The following CHCHD6 variants were observed in gnomAD, a reference collection of about 807,000 sequenced individuals.
The protein encoded by CHCHD6 is MICOS complex subunit MIC25.
In CHCHD6, 28 loss-of-function variants were observed where a neutral mutation model predicts 32.3. The observed-to-expected ratio is 0.87, with a 90% CI of 0.64 to 1.19. The LOEUF is 1.19. CHCHD6 is among the 50% of genes most tolerant of loss of function. The probability of loss-of-function intolerance (pLI) is 0.00; values close to 1 mark genes in which losing one functional copy is unlikely to be tolerated. For synonymous variants in CHCHD6, 122 were observed against 117.5 expected, an observed-to-expected ratio of 1.04 and a Z score of -0.25; for missense variants, 333 against 307.0, an observed-to-expected ratio of 1.08 and a Z score of -0.63.
chr3:126,866,296 A>G (rs986449609), intron 5 of CHCHD6, among the ~76,000 whole-genome samples: 1 of 152,216 alleles, frequency 6.6e-6, no homozygotes, highest in Non-Finnish European at 1.5e-5. Flanking sequence ...GTAGTCAAGC[A>G]CTTCACCTGC....
intron 5 of CHCHD6, among the ~76,000 whole-genome samples, chr3:126,897,399 A>T (rs953121466): frequency 1.3e-5 from 2 of 152,242 alleles, no homozygotes; most frequent in African/African-American, 4.8e-5. Flanking sequence ...TGCTGGAGTC[A>T]GGGTGTTACT....
intron 5 of CHCHD6, among the ~76,000 whole-genome samples, chr3:126,913,624 GC>G (rs1392075322): frequency 2.0e-5 from 3 of 152,168 alleles, no homozygotes; most frequent in Admixed American, 6.5e-5. Context: ...CACGGGCCCT[GC>G]CCCACCTCAG....
chr3:126,789,771 T>G (rs1183749025), intron 4 of CHCHD6, among the ~76,000 whole-genome samples: 5 of 152,234 alleles, frequency 3.3e-5, no homozygotes, highest in African/African-American at 1.2e-4. Flanking sequence ...GTCTTGACTC[T>G]TTATCCAATT....
intron 5 of CHCHD6, among the ~76,000 whole-genome samples, chr3:126,877,796 A>G (rs2077559129): frequency 6.6e-6 from 1 of 152,236 alleles, no homozygotes; most frequent in African/African-American, 2.4e-5. Context: ...ATTGTCCTAT[A>G]GTTATTAAGA....
At chr3:126,921,034 T>C (rs2078239220) in intron 6 of CHCHD6, among the ~76,000 whole-genome samples, 2 of 151,954 alleles carry the variant, frequency 1.3e-5, no homozygotes, top group Non-Finnish European at 2.9e-5. Flanking sequence ...GAACTAGAGG[T>C]CCTAACTTAG....
chr3:126,725,355 C>G (rs1576341068), intron 1 of CHCHD6, among the ~76,000 whole-genome samples: 1 of 152,126 alleles, frequency 6.6e-6, no homozygotes, highest in Admixed American at 6.5e-5. Context: ...TGAATGGATT[C>G]TTTTTTGCTG....
chr3:126,870,489 G>T (rs921793945), intron 5 of CHCHD6, among the ~76,000 whole-genome samples: 2 of 152,134 alleles, frequency 1.3e-5, no homozygotes, highest in Non-Finnish European at 2.9e-5. Context: ...TCCAATACTT[G>T]TCCTTTTGGT....
chr3:126,932,428 C>G (rs2078419217), intron 6 of CHCHD6, among the ~76,000 whole-genome samples: 1 of 152,208 alleles, frequency 6.6e-6, no homozygotes, highest in African/African-American at 2.4e-5. Context: ...TAATCACTTC[C>G]CCAGGAAATC....
intron 4 of CHCHD6, among the ~76,000 whole-genome samples, chr3:126,848,794 T>G (rs1342276853): frequency 6.6e-6 from 1 of 152,252 alleles, no homozygotes; most frequent in African/African-American, 2.4e-5. Context: ...TTTGAAATCC[T>G]TTGTCATATT....
rs6790886 is a variant in CHCHD6 at position 126,879,838 on chromosome 3, C to T, written c.495+27108C>T. ...GCTGAAGTGCTTAGAGATGAATTGT[C>T]GTAATGACTGCCGTGATGAAATGTG... On this transcript the variant is annotated intron_variant, in intron 5 of 7. Transcript: ENST00000290913. 4.3e-3 allele frequency among the ~76,000 whole-genome samples: 660 copies of T among 152,258 alleles called. 9 individuals carry two copies. Among genetic ancestry groups the T allele is most frequent in the African/African-American group, 0.014 (592 of 41,528 alleles).
rs534805167 is a variant in CHCHD6, at chr3:126,896,601, G to A, written c.496-18079G>A. Among the ~76,000 whole-genome samples, 20 of 152,274 alleles carry A rather than the reference G, an allele frequency of 1.3e-4. No homozygotes were observed. In the South Asian group the frequency reaches 4.1e-3, roughly 32 times the overall value. Reference sequence around the variant, plus strand: ...TTGCCAACTGGCCACTCACTTCTTGGTTTATTCCCAAAGGAAATCTGCTTG... The same window carrying A: ...TTGCCAACTGGCCACTCACTTCTTGATTTATTCCCAAAGGAAATCTGCTTG... On this transcript the variant is annotated intron_variant, in intron 5 of 7. Coordinates refer to ENST00000290913, the MANE Select transcript of CHCHD6 (RefSeq NM_032343.3).
chr3:126,948,022 G>T (rs893162297), intron 6 of CHCHD6, among the ~76,000 whole-genome samples: 7 of 152,166 alleles, frequency 4.6e-5, no homozygotes, highest in Non-Finnish European at 1.0e-4. Flanking sequence ...TTGCTGATGT[G>T]CGCCTGGGCC....
chr3:126,870,168 G>T (rs2077445569), intron 5 of CHCHD6, among the ~76,000 whole-genome samples: 1 of 152,198 alleles, frequency 6.6e-6, no homozygotes, highest in African/African-American at 2.4e-5. Context: ...GGTTCCCTGA[G>T]ATACTATATG....
chr3:126,788,468 G>T (rs1262177899), intron 4 of CHCHD6, among the ~76,000 whole-genome samples: 1 of 152,104 alleles, frequency 6.6e-6, no homozygotes, highest in Non-Finnish European at 1.5e-5. Context: ...ACTTTTTTTG[G>T]TTGGTAAGCT....
intron 6 of CHCHD6, among the ~76,000 whole-genome samples, chr3:126,954,729 T>C (rs1481537300): frequency 6.6e-6 from 1 of 151,140 alleles, no homozygotes; most frequent in East Asian, 1.9e-4. Flanking sequence ...TTCAGGGGAG[T>C]GCAGCAGAGG....
chr3:126,921,286 G>C (rs1411768241), intron 6 of CHCHD6, among the ~76,000 whole-genome samples: 1 of 152,218 alleles, frequency 6.6e-6, no homozygotes, highest in Non-Finnish European at 1.5e-5. Flanking sequence ...CCAAAGAGGA[G>C]TGTTGATGGC....
intron 4 of CHCHD6, among the ~76,000 whole-genome samples, chr3:126,815,648 C>T (rs1029859990): frequency 6.7e-6 from 1 of 149,244 alleles, no homozygotes; most frequent in Non-Finnish European, 1.5e-5. Flanking sequence ...TTCTTGCCCC[C>T]CCCCCCCCAT....
intron 4 of CHCHD6, among the ~76,000 whole-genome samples, chr3:126,801,281 A>G (rs529739955): frequency 1.9e-4 from 29 of 152,342 alleles, no homozygotes; most frequent in South Asian, 4.1e-4. Context: ...CAGGAAGCGC[A>G]AGGGGTCAGG....
In CHCHD6 at chr3:126,957,493, T is replaced by C; in HGVS notation, c.644T>C (p.Val215Ala). 1.2e-6 allele frequency: 2 copies of C among 1,601,150 alleles called. No homozygotes were observed. Among genetic ancestry groups the C allele is most frequent in the Non-Finnish European group, 1.7e-6 (2 of 1,174,164 alleles). Residue 215 changes from valine (V) to alanine (A), a missense_variant, in exon 7 of 8, where the codon GTG (valine) becomes GCG (alanine). Physicochemically the swap from Val to Ala is moderately conservative, Grantham distance 64 (BLOSUM62 0). Coordinates refer to ENST00000290913, the MANE Select transcript of CHCHD6 (RefSeq NM_032343.3). ...TGCTACCGAGATCGCCCGCATGAGG[T>C]GCTGCTGTGCTCGGACCTGGTCAAG... ...LHCYRDRPHE[V>A]LLCSDLVKAY...
Sources: gnomAD v4.1 joint callset for allele counts (sites outside exome capture counted in the v4.1 genomes callset) on GRCh38, gnomAD v4.1.1 for gene constraint, MANE v1.5 for transcripts, NCBI Gene and HGNC (gene_info 2026-07-23, HGNC 2026-07-21) for gene names.